Variants in GSN observed in about 807,000 individuals in gnomAD.
GSN encodes the protein gelsolin.
Under a neutral mutation model 85.7 loss-of-function variants are expected in GSN, and 56 were observed. That is an observed-to-expected ratio of 0.65 (90% CI 0.53 to 0.82). The LOEUF is 0.82. GSN is among the 40% of genes least tolerant of loss of function. The pLI is 0.00. For missense variants in GSN, 857 were observed against 979.8 expected (o/e 0.87, Z 1.67); for synonymous variants, 373 against 399.1 (o/e 0.93, Z 0.78).
rs1239273486 is a variant in GSN, at chr9:121,318,128, C to T, written c.887-278C>T. ...ACTTTTTTTATTACTTAAGACTATT[C>T]TGTGAATTAAATAATCTATGCATAG... is the stretch of plus-strand genomic sequence containing the variant. On this transcript the variant is annotated intron_variant, in intron 8 of 17. Transcript: ENST00000432226. This position sits in a 1 kb window ranked among gnomAD's most constrained non-coding sequence, Gnocchi z 4.3. Among the ~76,000 whole-genome samples the T allele has an allele frequency of 1.3e-5, 2 of 152,214 alleles. No individual in the cohort carries two copies. The highest frequency in any genetic ancestry group is 1.5e-5 in the Non-Finnish European group (1 of 68,034).
upstream of GSN, among the ~76,000 whole-genome samples, chr9:121,206,171 T>C (rs1387204679): frequency 6.6e-6 from 1 of 152,196 alleles, no homozygotes. Context: ...AAAAAACGAA[T>C]ATATTTTAAT....
chr9:121,327,574 C>G, intron 14 of GSN, 92 bp downstream of exon 14: 1 of 1,041,064 alleles, frequency 9.6e-7, no homozygotes, highest in Non-Finnish European at 1.4e-6. Flanking sequence ...TAAATCCTCC[C>G]CTCCATCCCA....
chr9:121,321,635 G>C (rs2062465734), intron 11 of GSN, among the ~76,000 whole-genome samples: 1 of 152,230 alleles, frequency 6.6e-6, no homozygotes, highest in African/African-American at 2.4e-5. Flanking sequence ...GAAACAAACA[G>C]AACATCTCCC....
intron 4 of GSN, among the ~76,000 whole-genome samples, chr9:121,216,580 C>G (rs532886886): frequency 6.6e-6 from 1 of 152,194 alleles, no homozygotes; most frequent in African/African-American, 2.4e-5. Context: ...AGCTCAAAAG[C>G]CACTTCCTCT....
chr9:121,295,069 A>G (rs2059079954), intron 2 of GSN, among the ~76,000 whole-genome samples: 1 of 152,142 alleles, frequency 6.6e-6, no homozygotes, highest in Admixed American at 6.5e-5. Context: ...CTCCCGCACC[A>G]TCACATACCG....
chr9:121,235,154 C>A (rs139544076), intron 5 of GSN, among the ~76,000 whole-genome samples: 335 of 152,320 alleles, frequency 2.2e-3, no homozygotes, highest in Non-Finnish European at 3.8e-3. Context: ...TCCCCGAATC[C>A]GAGTTTGGCT....
rs183995549 is a variant in GSN, at chr9:121,239,883, C to T, written c.-388-8393C>T. On this transcript the variant is annotated intron_variant, in intron 5 of 24. Transcript: ENST00000373823. The stretch of plus-strand genomic sequence containing the variant: ...AGTAATGTCCAGTGGACAATATCAG[C>T]GTCTATGGGAAACTTAACGTGATCT... 195 of 186,004 alleles carry T rather than the reference C, an allele frequency of 1.0e-3. 1 individual carries two copies. The Middle Eastern group carries it at 0.015, about 15-fold the overall frequency. 11.5% of individuals were successfully genotyped at this position (186,004 alleles called of 1,614,324 possible).
intron 4 of GSN, among the ~76,000 whole-genome samples, chr9:121,306,801 C>A (rs12351286): frequency 6.6e-6 from 1 of 152,222 alleles, no homozygotes. Context: ...GTTAATTAAT[C>A]TTTCCAATTC....
upstream of GSN, chr9:121,265,113 A>C (rs1183189408): frequency 6.6e-6 from 1 of 152,202 alleles, no homozygotes; most frequent in Non-Finnish European, 1.5e-5. Flanking sequence ...TCTCTCAAGT[A>C]ATCCCTTGTA....
intron 4 of GSN, among the ~76,000 whole-genome samples, chr9:121,224,147 A>AGT (rs2054226834): frequency 6.6e-6 from 1 of 151,784 alleles, no homozygotes; most frequent in Non-Finnish European, 1.5e-5. Flanking sequence ...CCCAGGCTGG[A>AGT]GTGCAGTGGT....
chr9:121,310,968 G>T (rs148694159), intron 5 of GSN, 123 bp downstream of exon 5: 1 of 832,772 alleles, frequency 1.2e-6, no homozygotes, highest in African/African-American at 1.7e-5. Flanking sequence ...GACCAGCATT[G>T]TTCACGTACA....
intron 4 of GSN, chr9:121,310,419 G>C (rs2060971397): frequency 4.0e-6 from 2 of 497,440 alleles, no homozygotes. Flanking sequence ...GCAGAAAGAT[G>C]CAGTGGGCAG....
At chr9:121,254,421 C>T (rs1169903816) in intron 6 of GSN, among the ~76,000 whole-genome samples, 1 of 152,206 alleles carries the variant, frequency 6.6e-6, no homozygotes. Flanking sequence ...TCTTTCTCTT[C>T]CCTTTTCTCT....
At chr9:121,207,042 A>G (rs2053892197), upstream of GSN, among the ~76,000 whole-genome samples, 1 of 152,242 alleles carries the variant, frequency 6.6e-6, no homozygotes, top group Admixed American at 6.5e-5. Context: ...TTATTCAGAA[A>G]AAGGGAAGGG....
intron 1 of GSN, among the ~76,000 whole-genome samples, chr9:121,268,827 CAG>C (rs1413675293): frequency 3.3e-5 from 5 of 152,196 alleles, no homozygotes; most frequent in Non-Finnish European, 7.3e-5. Flanking sequence ...GAGTTGAAGA[CAG>C]TGATTGGAAC....
At chr9:121,215,218 C>A (rs993533297) in intron 4 of GSN, among the ~76,000 whole-genome samples, 1 of 142,422 alleles carries the variant, frequency 7.0e-6, no homozygotes, top group Non-Finnish European at 1.5e-5. Context: ...ATTAAGGACC[C>A]CCCCCCCCAC....
At chr9:121,315,157 G>C (rs995214713) in intron 7 of GSN, among the ~76,000 whole-genome samples, 46 of 152,210 alleles carry the variant, frequency 3.0e-4, no homozygotes, top group African/African-American at 1.1e-3. Flanking sequence ...CAACGCTCCC[G>C]GCCATTTCTA....
intron 2 of GSN, among the ~76,000 whole-genome samples, chr9:121,300,918 C>T (rs2059773990): frequency 2.0e-5 from 3 of 152,160 alleles, no homozygotes; most frequent in Non-Finnish European, 4.4e-5. Flanking sequence ...GTGGGCTCAC[C>T]TCGATTTGCG....
chr9:121,240,883 G>A (rs1443343282), intron 5 of GSN, among the ~76,000 whole-genome samples: 2 of 152,236 alleles, frequency 1.3e-5, no homozygotes, highest in Non-Finnish European at 2.9e-5. Context: ...TCTGGAAAAC[G>A]CAGAGTTGTG....
Sources: allele counts gnomAD v4.1 joint callset (sites outside exome capture counted in the v4.1 genomes callset), GRCh38; gene constraint gnomAD v4.1.1; non-coding constraint Gnocchi (gnomAD v3.1); transcripts MANE v1.5; gene names NCBI Gene and HGNC (gene_info 2026-07-23, HGNC 2026-07-21).